Variants in ADAM32 observed in about 807,000 individuals in gnomAD.
ADAM32 encodes ADAM metallopeptidase domain 32.
A neutral mutation model predicts 114.9 loss-of-function variants in ADAM32; 89 were observed. The ratio of observed to expected loss-of-function variants is 0.77; its 90% confidence interval spans 0.65 to 0.92. ADAM32 has a LOEUF of 0.92. Among genes scored for constraint, ADAM32 ranks in the 40% least tolerant of loss-of-function variants. ADAM32 has a pLI of 0.00. For synonymous variants in ADAM32, 285 were observed against 307.5 expected (o/e 0.93, Z 0.77); for missense variants, 870 against 932.8 (o/e 0.93, Z 0.88).
At chr8:39,180,966 T>G (rs1333486376) in intron 10 of ADAM32, among the ~76,000 whole-genome samples, 1 of 152,170 alleles carries the variant, frequency 6.6e-6, no homozygotes, top group African/African-American at 2.4e-5. Flanking sequence ...GTCTAACTAA[T>G]CTGATGGGGA....
At position 39,225,760 on chromosome 8, in the gene ADAM32, A is replaced by G. The variant is rs113639854; in HGVS notation, c.1525+2522A>G. ...GGAACCATCCAACTCTACCCTTCTA[A>G]CAGCCTTTTTCCCACCCATGGAGTA... On this transcript the variant is annotated intron_variant, in intron 14 of 24. Transcript: ENST00000379907. Among the ~76,000 whole-genome samples, 4 of 150,576 alleles carry G rather than the reference A, an allele frequency of 2.7e-5. 1 individual carries two copies. Among genetic ancestry groups the G allele is most frequent in the African/African-American group, 9.7e-5 (4 of 41,284 alleles).
chr8:39,272,021 A>T (rs1454269341), intron 20 of ADAM32, among the ~76,000 whole-genome samples: 2 of 142,362 alleles, frequency 1.4e-5, no homozygotes, highest in African/African-American at 2.5e-5. Context: ...GGTCTCAGCT[A>T]CTTGGGAGGC....
chr8:39,167,614 T>G (rs1300861583), intron 9 of ADAM32: 1 of 149,242 alleles, frequency 6.7e-6, no homozygotes, highest in East Asian at 2.0e-4. Flanking sequence ...TTGAATTGAA[T>G]TTTTAGACTG....
At chr8:39,169,666 C>T (rs1585445614) in intron 9 of ADAM32, 2 of 307,196 alleles carry the variant, frequency 6.5e-6, no homozygotes, top group East Asian at 1.1e-4. Flanking sequence ...GTGATGAGAA[C>T]ACTAAAGGCA....
chr8:39,275,302 T>A (rs562247643), intron 21 of ADAM32, among the ~76,000 whole-genome samples: 1 of 152,366 alleles, frequency 6.6e-6, no homozygotes, highest in South Asian at 2.1e-4. Flanking sequence ...CTTTCGCATT[T>A]TCAATTCTCT....
At chr8:39,208,719 C>T (rs745990213) in intron 11 of ADAM32, among the ~76,000 whole-genome samples, 96 of 152,200 alleles carry the variant, frequency 6.3e-4, no homozygotes, top group Middle Eastern at 3.4e-3. Flanking sequence ...CATTCCAGTC[C>T]TTCCTGGTCT....
At chr8:39,271,527 ATTG>A (rs1812726989) in intron 20 of ADAM32, among the ~76,000 whole-genome samples, 1 of 138,966 alleles carries the variant, frequency 7.2e-6, no homozygotes. Flanking sequence ...AATACAGGTA[ATTG>A]AAAAACCTCA....
chr8:39,136,507 T>A (rs1802811852), intron 2 of ADAM32, 150 bp from the exon 3 acceptor site: 3 of 512,980 alleles, frequency 5.8e-6, no homozygotes, highest in Non-Finnish European at 1.0e-5. Flanking sequence ...AATTTTTTGA[T>A]GTGTTGTTGC....
At chr8:39,187,130 C>A (rs1806292216) in intron 11 of ADAM32, 85 bp downstream of exon 11, 3 of 1,305,450 alleles carry the variant, frequency 2.3e-6, no homozygotes, top group South Asian at 1.7e-5. Context: ...ACTTAAAGCA[C>A]AAATTAGCTA....
intron 7 of ADAM32, among the ~76,000 whole-genome samples, chr8:39,163,188 A>G (rs542844824): frequency 1.1e-4 from 16 of 152,338 alleles, no homozygotes; most frequent in East Asian, 7.7e-4. Context: ...TTGTTATACT[A>G]TAAGAGCATC....
chr8:39,216,644 T>C, intron 12 of ADAM32, among the ~76,000 whole-genome samples: 1 of 152,020 alleles, frequency 6.6e-6, no homozygotes, highest in East Asian at 1.9e-4. Context: ...AGCATGAGAC[T>C]AGCAAATACT....
chr8:39,145,056 A>G (rs1803417212), intron 3 of ADAM32, among the ~76,000 whole-genome samples: 1 of 152,204 alleles, frequency 6.6e-6, no homozygotes, highest in South Asian at 2.1e-4. Flanking sequence ...CAAGAAAACA[A>G]CCCCATGTAC....
In ADAM32 at chr8:39,206,418, G is replaced by T. The variant is rs902260435; in HGVS notation, c.1053-4726G>T. ...GTTGGTAGACTGGGCCTGTTCTCAG[G>T]TTTCCAGATGGTCTGCATGGGCACT... is the stretch of plus-strand genomic sequence containing the variant. On this transcript the variant is annotated intron_variant, in intron 11 of 24. Transcript: ENST00000379907. Among the ~76,000 whole-genome samples the T allele has an allele frequency of 2.0e-5, 3 of 152,096 alleles. No individual in the cohort carries two copies. The East Asian group carries it at 5.9e-4, about 30-fold the overall frequency.
chr8:39,268,804 T>A (rs1043064440), intron 19 of ADAM32, among the ~76,000 whole-genome samples: 9 of 152,210 alleles, frequency 5.9e-5, no homozygotes, highest in Non-Finnish European at 1.2e-4. Flanking sequence ...TGTACAAAAA[T>A]TTTTAATTAT....
At position 39,130,956 on chromosome 8, in the gene ADAM32, C is replaced by CTT. The variant is rs71218310; in HGVS notation, c.139-5684_139-5683dup. 6.2e-3 allele frequency: 2,024 copies of CTT among 327,786 alleles called. 8 individuals are homozygous for CTT. The highest frequency in any genetic ancestry group is 0.015 in the Middle Eastern group (13 of 860). 20.3% of individuals were successfully genotyped at this position (327,786 alleles called of 1,614,324 possible). On this transcript the variant is annotated intron_variant, in intron 2 of 24. Coordinates refer to ENST00000379907, the MANE Select transcript of ADAM32 (RefSeq NM_145004.7). ...TTGGGAGACTGAGGCAGGAGGATGT[C>CTT]TTTTTTTTTTTTTTTTTTGAGACAG...
chr8:39,239,029 T>C (rs1468490706), intron 16 of ADAM32, among the ~76,000 whole-genome samples: 1 of 152,160 alleles, frequency 6.6e-6, no homozygotes, highest in Admixed American at 6.5e-5. Flanking sequence ...TTCCCTGGCC[T>C]TGCTAGAGAT....
Position 39,234,052 on chromosome 8 carries a change from CA to C in ADAM32, c.1793del (p.Asn598MetfsTer12). 3 of 1,488,694 alleles carry C rather than the reference CA, an allele frequency of 2.0e-6. No homozygotes were observed. Among genetic ancestry groups the C allele is most frequent in the Admixed American group, 2.2e-5 (1 of 45,394 alleles). 92.2% of individuals were successfully genotyped at this position (1,488,694 alleles called of 1,614,324 possible). The part of the protein sequence containing the change: ...PRTVPDPLAV[K>X]NGSQCDIGRV... The stretch of plus-strand genomic sequence containing the variant: ...GAACAGTTCCAGATCCACTGGCTGT[CA>C]AAAATGGCTCTCAGTGTGATATTGG... On this transcript the variant is annotated frameshift_variant, in exon 16 of 25. Transcript: ENST00000379907. LOFTEE classifies it high-confidence loss of function.
At chr8:39,126,480 C>G (rs892148256) in intron 2 of ADAM32, among the ~76,000 whole-genome samples, 23 of 152,000 alleles carry the variant, frequency 1.5e-4, no homozygotes, top group Non-Finnish European at 1.5e-4. Flanking sequence ...CTCTGCTTGC[C>G]TATTGTTGGT....
intron 3 of ADAM32, 59 bp downstream of exon 3, chr8:39,136,777 C>A: frequency 8.6e-7 from 1 of 1,162,198 alleles, no homozygotes; most frequent in South Asian, 1.6e-5. Context: ...TGTTTACTTG[C>A]AATAGAAAAT....
Sources: gnomAD v4.1 joint callset for allele counts (sites outside exome capture counted in the v4.1 genomes callset) on GRCh38, gnomAD v4.1.1 for gene constraint, MANE v1.5 for transcripts, NCBI Gene and HGNC (gene_info 2026-07-23, HGNC 2026-07-21) for gene names.